ARAP3: variants seen among roughly 807,000 people sequenced by gnomAD.
The protein encoded by ARAP3 is ArfGAP with RhoGAP domain, ankyrin repeat and PH domain 3.
In ARAP3, 82 loss-of-function variants were observed where a neutral mutation model predicts 169.2. The ratio of observed to expected loss-of-function variants is 0.48; its 90% CI spans 0.41 to 0.58. The LOEUF (loss-of-function observed/expected upper bound fraction) is 0.58. Among genes scored for constraint, ARAP3 ranks in the 20% least tolerant of loss-of-function variants. ARAP3 has a pLI of 0.00. For synonymous variants in ARAP3, 791 were observed against 800.3 expected, an observed-to-expected ratio of 0.99 and a Z score of 0.20; for missense variants, 1,764 against 2,018.0, an observed-to-expected ratio of 0.87 and a Z score of 2.41.
chr5:141,671,492 C>G lies in ARAP3; in HGVS notation c.1854+78G>C. 1 of 1,605,306 alleles carries G rather than the reference C, an allele frequency of 6.2e-7. No homozygotes were observed. Among genetic ancestry groups the G allele is most frequent in the South Asian group, 1.1e-5 (1 of 89,980 alleles). ...CATCACTAAAAACAGTCCCCACCAC[C>G]CAAGTCTAGGCATTCCAACTCCAGA... On this transcript the variant is annotated intron_variant, in intron 12 of 32. Coordinates refer to ENST00000239440, the MANE Select transcript of ARAP3 (RefSeq NM_022481.6). The surrounding 1 kb of genome is among the most constrained non-coding windows in gnomAD (Gnocchi z 4.9).
At position 141,671,231 on chromosome 5, in the gene ARAP3, T is replaced by A; in HGVS notation, c.1990+34A>T. 1 of 1,563,032 alleles carries A rather than the reference T, an allele frequency of 6.4e-7. No homozygotes were observed. The highest frequency in any genetic ancestry group is 8.7e-7 in the Non-Finnish European group (1 of 1,153,758). ...ATCATAGGTTGGGTCTGAGAATTCCTGTAGGGGAGAGAGGAGGCACTTGGG... is the reference window on the plus strand; with the variant it reads ...ATCATAGGTTGGGTCTGAGAATTCCAGTAGGGGAGAGAGGAGGCACTTGGG... On this transcript the variant is annotated intron_variant, in intron 13 of 32. Transcript: ENST00000239440. The surrounding 1 kb of genome is among the most constrained non-coding windows in gnomAD (Gnocchi z 4.9).
chr5:141,672,142 A>G lies in ARAP3; in HGVS notation c.1545T>C (p.Ala515=), dbSNP rs752082242. The change falls in exon 10 of 33, where the codon GCT becomes GCC. Residue 515 remains alanine (A), a synonymous_variant. Transcript: ENST00000239440. The surrounding 1 kb of genome is among the most constrained non-coding windows in gnomAD (Gnocchi z 4.9). ...AGATGACCACCCCCAAATTGACAGC[A>G]GCCCAATCTGGGCGGGAGGACCCAC... ...ADCGSSRPDW[A]AVNLGVVICK... is the part of the protein sequence containing the mutation. 1.9e-6 allele frequency: 3 copies of G among 1,614,016 alleles called. No individual in the cohort carries two copies. The South Asian group carries it at 3.3e-5, about 18-fold the overall frequency.
Position 141,669,760 on chromosome 5 carries a change from A to G in ARAP3, c.2301T>C (p.Phe767=). The change falls in exon 16 of 33, where the codon TTT becomes TTC. Residue 767 remains phenylalanine (F), a synonymous_variant. Transcript: ENST00000239440. ...CCAGACTGTCAGCTCCATCTGTGCCAAAATGCTGGATCCTCCCCCCAGCGA... is the reference window on the plus strand; with the variant it reads ...CCAGACTGTCAGCTCCATCTGTGCCGAAATGCTGGATCCTCCCCCCAGCGA... ...LILAGGRIQH[F]GTDGADSLEA... The G allele has an allele frequency of 1.2e-6, 2 of 1,614,182 alleles. 1 individual carries two copies. Among genetic ancestry groups the G allele is most frequent in the South Asian group, 2.2e-5 (2 of 91,078 alleles).
Position 141,656,056 on chromosome 5 carries a change from G to A in ARAP3, c.3908+8C>T, listed in dbSNP as rs1562402362. Reference sequence around the variant, plus strand: ...GCCAGAGGAGAAGCCAGGGCAGGAGGTACTCACAGGTGCATCTTCTCTAGT... The same window carrying A: ...GCCAGAGGAGAAGCCAGGGCAGGAGATACTCACAGGTGCATCTTCTCTAGT... On this transcript the variant is annotated splice_region_variant and intron_variant, in intron 29 of 32. Transcript: ENST00000239440. 3 of 1,614,148 alleles carry A rather than the reference G, an allele frequency of 1.9e-6. No homozygotes were observed. Among genetic ancestry groups the A allele is most frequent in the East Asian group, 2.2e-5 (1 of 44,882 alleles).
At position 141,658,277 on chromosome 5, in the gene ARAP3, G is replaced by A. The variant is rs2099909497; in HGVS notation, c.3526+88C>T. On this transcript the variant is annotated intron_variant, in intron 25 of 32. Coordinates refer to ENST00000239440, the MANE Select transcript of ARAP3 (RefSeq NM_022481.6). Reference sequence around the variant, plus strand: ...CATCCATGAGTTACCATTCATATTTGGTAACATGAAGTCACTGATGACCTT... The same window carrying A: ...CATCCATGAGTTACCATTCATATTTAGTAACATGAAGTCACTGATGACCTT... 1.6e-6 allele frequency: 2 copies of A among 1,289,908 alleles called. 1 individual carries two copies. Among genetic ancestry groups the A allele is most frequent in the Admixed American group, 3.9e-5 (2 of 51,170 alleles). The allele number at this position is 1,289,908 out of a possible 1,614,324, so 79.9% of individuals were successfully genotyped here.
At chr5:141,669,430 G>A (rs1336947506) in intron 16 of ARAP3, among the ~76,000 whole-genome samples, 1 of 152,186 alleles carries the variant, frequency 6.6e-6, no homozygotes, top group East Asian at 1.9e-4. Context: ...TTAGTCCTGT[G>A]CTCTGCTGCC....
At chr5:141,673,959 CTTTTTTTTTTTTT>C (rs10712701) in intron 4 of ARAP3, 151 bp from the exon 5 acceptor site, 4 of 364,820 alleles carry the variant, frequency 1.1e-5, no homozygotes, top group African/African-American at 3.4e-5. Flanking sequence ...TTCTTTTCTT[CTTTTTTTTTTTTT>C]TTTTTTTTGA....
chr5:141,680,696 T>C, intron 1 of ARAP3, 193 bp from the exon 2 acceptor site: 1 of 921,734 alleles, frequency 1.1e-6, no homozygotes, highest in Non-Finnish European at 1.5e-6. Context: ...GGGACTTCAT[T>C]TGAAGTTAAG....
Position 141,673,696 on chromosome 5 carries a change from C to T in ARAP3, c.811G>A (p.Asp271Asn), listed in dbSNP as rs760092314. ...AAGCTGGCATAGGGTGAAATGAGGT[C>T]ATCACTGGTCTCCTCTGTTTCCAGG... ...PTLETEETSD[D>N]LISPYASFSF... Residue 271 changes from aspartate to asparagine, a missense_variant, in exon 5 of 33, where the codon GAC becomes AAC. Asp to Asn is a conservative substitution (Grantham distance 23). Around this residue, in one of 3 missense-constraint regions of ARAP3, gnomAD observed 630 missense variants for 678.7 expected, o/e 0.93. Coordinates refer to ENST00000239440, the MANE Select transcript of ARAP3 (RefSeq NM_022481.6). The T allele has an allele frequency of 6.2e-7, 1 of 1,614,100 alleles. No homozygotes were observed. The highest frequency in any genetic ancestry group is 1.3e-5 in the African/African-American group (1 of 74,932).
chr5:141,655,276 T>A (rs2099909124), intron 32 of ARAP3, 86 bp downstream of exon 32: 8 of 1,354,480 alleles, frequency 5.9e-6, no homozygotes, highest in East Asian at 2.8e-5. Context: ...ATGGCCTACA[T>A]GAGGAAAACA....
chr5:141,673,486 GC>G lies in ARAP3; in HGVS notation c.903-17del. The stretch of plus-strand genomic sequence containing the variant: ...GACATAGTTTCTGAGGAAGGAAGGA[GC>G]CAAGATCAGTGTTTGAGGTTGCATG... On this transcript the variant is annotated splice_polypyrimidine_tract_variant and intron_variant, in intron 5 of 32. Coordinates refer to ENST00000239440, the MANE Select transcript of ARAP3 (RefSeq NM_022481.6). 1 of 1,614,170 alleles carries G rather than the reference GC, an allele frequency of 6.2e-7. No individual in the cohort carries two copies. Among genetic ancestry groups the G allele is most frequent in the Non-Finnish European group, 8.5e-7 (1 of 1,180,026 alleles).
intron 21 of ARAP3, 105 bp downstream of exon 21, chr5:141,661,579 C>G (rs150571211): frequency 1.5e-5 from 18 of 1,206,278 alleles, no homozygotes; most frequent in Non-Finnish European, 2.0e-5. Context: ...CACTTAACAA[C>G]TGTTTGTGGA....
intron 18 of ARAP3, 75 bp from the exon 19 acceptor site, chr5:141,665,160 A>G (rs1401044598): frequency 6.4e-7 from 1 of 1,565,598 alleles, no homozygotes; most frequent in African/African-American, 1.4e-5. Context: ...TCCCAGAGCC[A>G]CCAGCAGAGG....
chr5:141,675,621 G>T (rs535173103), intron 4 of ARAP3, among the ~76,000 whole-genome samples: 1 of 151,988 alleles, frequency 6.6e-6, no homozygotes, highest in Non-Finnish European at 1.5e-5. Flanking sequence ...TACTCGGGAG[G>T]CTGAGGCAAG....
At chr5:141,663,094 C>G (rs994084769) in intron 19 of ARAP3, among the ~76,000 whole-genome samples, 5 of 152,058 alleles carry the variant, frequency 3.3e-5, no homozygotes. Flanking sequence ...GCATAACTAC[C>G]ACAAATAACA....
intron 29 of ARAP3, 46 bp downstream of exon 29, chr5:141,656,018 G>C (rs2099909228): frequency 1.9e-6 from 3 of 1,613,822 alleles, no homozygotes; most frequent in African/African-American, 2.7e-5. Flanking sequence ...GAAAAGACAG[G>C]GTGCAGAGGT....
At chr5:141,660,606 G>C (rs550876935) in intron 21 of ARAP3, among the ~76,000 whole-genome samples, 1 of 151,986 alleles carries the variant, frequency 6.6e-6, no homozygotes, top group South Asian at 2.1e-4. Flanking sequence ...TGGGCCTGTA[G>C]TTGACCAATC....
At position 141,669,805 on chromosome 5, in the gene ARAP3, G is replaced by A. The variant is rs779973211; in HGVS notation, c.2256C>T (p.Pro752=). ...PPPTDPGDRF[P]FSFELILAGG... ...CAGCGAGGATGAGCTCAAAGGAAAA[G>A]GGGAACCTGGAGAGAAGATGAGGTC... is the stretch of plus-strand genomic sequence containing the variant. Residue 752 remains proline, a synonymous_variant, in exon 16 of 33, where the codon CCC becomes CCT. Coordinates refer to ENST00000239440, the MANE Select transcript of ARAP3 (RefSeq NM_022481.6). 13 of 1,613,824 alleles carry A rather than the reference G, an allele frequency of 8.1e-6. No homozygotes were observed. Among genetic ancestry groups the A allele is most frequent in the Non-Finnish European group, 1.1e-5 (13 of 1,179,848 alleles).
Position 141,655,749 on chromosome 5 carries a change from G to C in ARAP3, c.3982C>G (p.Gln1328Glu), listed in dbSNP as rs1332189983. The C allele has an allele frequency of 1.5e-5, 24 of 1,614,192 alleles. No homozygotes were observed. Among genetic ancestry groups the C allele is most frequent in the Non-Finnish European group, 2.0e-5 (24 of 1,180,026 alleles). ...TGGCGTCGTAAGACCACTGGCTGCT[G>C]GTCATCGTGCTGGTGGGAGCGTGAG... is the stretch of plus-strand genomic sequence containing the variant. Reference protein sequence around the residue: ...TSILKAQHDDQQPVVLRRHSS... With the variant: ...TSILKAQHDDEQPVVLRRHSS... The change falls in exon 31 of 33, where the codon CAG becomes GAG. Residue 1328 changes from glutamine (Q) to glutamate (E), a missense_variant. Physicochemically the swap from Gln to Glu is conservative, Grantham distance 29. This residue lies in a region of ARAP3 where 1,112 missense variants were observed against 1,285.7 expected (regional missense o/e 0.86). Coordinates refer to ENST00000239440, the MANE Select transcript of ARAP3 (RefSeq NM_022481.6).
Sources: gnomAD v4.1 joint callset for allele counts (sites outside exome capture counted in the v4.1 genomes callset) on GRCh38, gnomAD v4.1.1 for gene constraint, gnomAD v4.1.1 regional missense constraint, Gnocchi (gnomAD v3.1) non-coding constraint, MANE v1.5 for transcripts, NCBI Gene and HGNC (gene_info 2026-07-23, HGNC 2026-07-21) for gene names.